Variants in CWH43 observed in about 807,000 individuals in gnomAD.
CWH43 encodes the protein PGAP2-interacting protein.
A neutral mutation model predicts 85.7 loss-of-function variants in CWH43; 91 were observed. That is an observed-to-expected ratio of 1.06 (90% CI 0.90 to 1.26). The LOEUF (loss-of-function observed/expected upper bound fraction) is 1.26, where lower values mean the gene tolerates loss of function less well. Among genes scored for constraint, CWH43 ranks in the 50% most tolerant of loss-of-function variants. The pLI is 0.00. For missense variants in CWH43, 869 were observed against 839.2 expected (o/e 1.04, Z -0.44); for synonymous variants, 323 against 293.6 (o/e 1.10, Z -1.02).
At chr4:48,991,362 A>G in intron 2 of CWH43, 92 bp from the exon 3 acceptor site, 1 of 1,349,826 alleles carries the variant, frequency 7.4e-7, no homozygotes, top group Non-Finnish European at 1.0e-6. Context: ...CTGAGTATAA[A>G]GATGGTATCA....
intron 15 of CWH43, among the ~76,000 whole-genome samples, chr4:49,059,294 T>A (rs139285153): frequency 5.0e-4 from 76 of 152,342 alleles, no homozygotes; most frequent in African/African-American, 1.8e-3. Flanking sequence ...CTAGAATTTC[T>A]GTTTGGTTCT....
At chr4:49,017,120 AG>A in intron 8 of CWH43, 128 bp from the exon 9 acceptor site, 1 of 789,018 alleles carries the variant, frequency 1.3e-6, no homozygotes, top group Admixed American at 2.0e-5. Flanking sequence ...TTCATCTTCC[AG>A]GTCCTCCAAG....
At chr4:49,046,298 G>A (rs1784619722) in intron 14 of CWH43, among the ~76,000 whole-genome samples, 1 of 134,922 alleles carries the variant, frequency 7.4e-6, no homozygotes, top group Non-Finnish European at 1.7e-5. Flanking sequence ...TGCCAAAAAA[G>A]AGGGACTAAC....
chr4:49,028,619 A>G lies in CWH43; in HGVS notation c.1267-10A>G. ...AGTCATCCTAAACTACCATTAAAAC[A>G]ATTCCTCAGGCACCAACCAAAGAGG... On this transcript the variant is annotated splice_polypyrimidine_tract_variant and intron_variant, in intron 9 of 15. Transcript: ENST00000226432. 1 of 1,605,180 alleles carries G rather than the reference A, an allele frequency of 6.2e-7. No individual in the cohort carries two copies. The highest frequency in any genetic ancestry group is 8.5e-7 in the Non-Finnish European group (1 of 1,173,940).
intron 2 of CWH43, among the ~76,000 whole-genome samples, chr4:48,989,442 T>C (rs1322654804): frequency 6.6e-6 from 1 of 152,172 alleles, no homozygotes; most frequent in Non-Finnish European, 1.5e-5. Context: ...CAAATATGCA[T>C]ATTTCACCAG....
chr4:49,052,054 A>T (rs760093140), intron 15 of CWH43, among the ~76,000 whole-genome samples: 55 of 152,076 alleles, frequency 3.6e-4, no homozygotes, highest in Non-Finnish European at 1.5e-4. Flanking sequence ...GCTAATAAAC[A>T]TTTCTCATTT....
chr4:49,032,832 T>C (rs753574711), intron 12 of CWH43, 117 bp downstream of exon 12: 10 of 1,282,508 alleles, frequency 7.8e-6, no homozygotes, highest in Non-Finnish European at 1.1e-5. Flanking sequence ...TCCCAAAGTA[T>C]TTCTCCCTGC....
chr4:49,020,249 C>G (rs1332813852), intron 9 of CWH43, among the ~76,000 whole-genome samples: 2 of 152,086 alleles, frequency 1.3e-5, no homozygotes, highest in African/African-American at 4.8e-5. Context: ...TTAGCTCCCA[C>G]TTACGTGCAA....
intron 9 of CWH43, among the ~76,000 whole-genome samples, chr4:49,022,717 A>G (rs757146527): frequency 5.3e-5 from 8 of 151,954 alleles, no homozygotes; most frequent in Non-Finnish European, 7.4e-5. Flanking sequence ...TGCCATTTCA[A>G]TCTGGCTGCT....
At chr4:48,987,629 A>G (rs1310706644) in intron 1 of CWH43, among the ~76,000 whole-genome samples, 1 of 152,192 alleles carries the variant, frequency 6.6e-6, no homozygotes, top group African/African-American at 2.4e-5. Context: ...GGGGCTGTAT[A>G]AGGAATGAGA....
intron 9 of CWH43, among the ~76,000 whole-genome samples, chr4:49,024,901 T>G (rs1783860346): frequency 6.6e-6 from 1 of 152,160 alleles, no homozygotes; most frequent in South Asian, 2.1e-4. Flanking sequence ...TCTAGATCTC[T>G]AGCAAGGCTA....
At chr4:48,995,985 G>A (rs1782798147) in intron 5 of CWH43, among the ~76,000 whole-genome samples, 1 of 148,456 alleles carries the variant, frequency 6.7e-6, no homozygotes, top group African/African-American at 2.5e-5. Flanking sequence ...ATACCTGGTG[G>A]CCCCCAATTC....
chr4:49,054,720 C>A (rs1297698215), intron 15 of CWH43, among the ~76,000 whole-genome samples: 3 of 151,974 alleles, frequency 2.0e-5, no homozygotes, highest in African/African-American at 7.2e-5. Context: ...AGGTGTTTCA[C>A]CTCCTTGGTT....
intron 4 of CWH43, among the ~76,000 whole-genome samples, chr4:48,993,574 A>G (rs1159216000): frequency 1.3e-5 from 2 of 152,188 alleles, no homozygotes; most frequent in African/African-American, 4.8e-5. Flanking sequence ...TCTACGAAGA[A>G]GTCCTCCTGC....
At chr4:49,027,683 G>A (rs554834883) in intron 9 of CWH43, among the ~76,000 whole-genome samples, 1 of 152,190 alleles carries the variant, frequency 6.6e-6, no homozygotes, top group East Asian at 1.9e-4. Context: ...TATCCCTTGG[G>A]TTACAAACAA....
At chr4:48,998,590 G>A (rs1560487411) in intron 6 of CWH43, 42 bp downstream of exon 6, 2 of 1,424,752 alleles carry the variant, frequency 1.4e-6, no homozygotes, top group Non-Finnish European at 2.0e-6. Context: ...ACTGAGCTTG[G>A]TTATCCAGTT....
chr4:49,048,138 G>A (rs1784684933), intron 14 of CWH43, among the ~76,000 whole-genome samples: 1 of 152,062 alleles, frequency 6.6e-6, no homozygotes, highest in African/African-American at 2.4e-5. Flanking sequence ...CATATAGGCT[G>A]AAATAGGTTT....
chr4:49,022,415 G>A (rs190559513), intron 9 of CWH43, among the ~76,000 whole-genome samples: 574 of 152,264 alleles, frequency 3.8e-3, no homozygotes, highest in Non-Finnish European at 6.0e-3. Flanking sequence ...GATCATGGTG[G>A]ATTATCTTTT....
At chr4:49,005,364 T>C (rs1191363223) in intron 7 of CWH43, among the ~76,000 whole-genome samples, 1 of 152,078 alleles carries the variant, frequency 6.6e-6, no homozygotes, top group Non-Finnish European at 1.5e-5. Context: ...TCCCACCCTC[T>C]CACTCTTCTG....
Sources: allele counts gnomAD v4.1 joint callset (sites outside exome capture counted in the v4.1 genomes callset), GRCh38; gene constraint gnomAD v4.1.1; transcripts MANE v1.5; gene names NCBI Gene and HGNC (gene_info 2026-07-23, HGNC 2026-07-21).